Variants in PACRG observed in about 807,000 individuals in gnomAD.
PACRG encodes the protein parkin coregulated.
Under a neutral mutation model 29.7 loss-of-function variants are expected in PACRG, and 29 were observed. The observed-to-expected ratio is 0.98, with a 90% CI of 0.73 to 1.33. The LOEUF (loss-of-function observed/expected upper bound fraction) is 1.33. PACRG is among the 40% of genes most tolerant of loss of function. The pLI, the probability that PACRG is intolerant of heterozygous loss-of-function variation, is 0.00. For missense variants in PACRG, 279 were observed against 316.2 expected, an observed-to-expected ratio of 0.88 and a Z score of 0.89; for synonymous variants, 116 against 118.7, an observed-to-expected ratio of 0.98 and a Z score of 0.15.
chr6:162,744,797 G>C (rs1327221258), intron 1 of PACRG, among the ~76,000 whole-genome samples: 1 of 152,062 alleles, frequency 6.6e-6, no homozygotes, highest in Non-Finnish European at 1.5e-5. Flanking sequence ...TAATGTTTAT[G>C]GCTTTTGTGA....
In PACRG at chr6:162,838,578, C is replaced by A. The variant is rs148928345; in HGVS notation, c.291+24297C>A. ...CTTTCCCACACTAGTTATTAGAACC[C>A]CCTTATTAACATCATTTTTTTTTAT... is the stretch of plus-strand genomic sequence containing the variant. On this transcript the variant is annotated intron_variant, in intron 2 of 4. Coordinates refer to ENST00000366888, the MANE Select transcript of PACRG (RefSeq NM_001080379.2). Among the ~76,000 whole-genome samples, 843 of 151,982 alleles carry A rather than the reference C, an allele frequency of 5.5e-3. 9 individuals carry two copies. Among genetic ancestry groups the A allele is most frequent in the South Asian group, 0.01 (50 of 4,812 alleles).
At position 162,728,357 on chromosome 6, in the gene PACRG, G is replaced by T. The variant is rs767526204; in HGVS notation, c.122G>T (p.Gly41Val). 5.0e-6 allele frequency: 8 copies of T among 1,613,596 alleles called. No homozygotes were observed. In the South Asian group the frequency reaches 8.8e-5, roughly 18 times the overall value. ...VHQPHSLVSE[G>V]FTVKAMMKNS... ...CAGCCTCACTCTCTGGTTTCTGAGG[G>T]TTTCACAGTCAAAGCCATGATGAAA... is the stretch of plus-strand genomic sequence containing the variant. Residue 41 changes from glycine to valine, a missense_variant, in exon 1 of 5, where the codon GGT becomes GTT. By Grantham distance (109) the Gly-to-Val change is moderately radical (BLOSUM62 -3). Coordinates refer to ENST00000366888, the MANE Select transcript of PACRG (RefSeq NM_001080379.2).
upstream of PACRG, chr6:162,727,908 G>T: frequency 1.7e-6 from 1 of 591,890 alleles, no homozygotes; most frequent in Non-Finnish European, 3.0e-6. Flanking sequence ...CGCCCTTTCC[G>T]GCTTCAGGCC....
At chr6:162,752,684 C>G (rs745418610) in intron 1 of PACRG, among the ~76,000 whole-genome samples, 2 of 152,198 alleles carry the variant, frequency 1.3e-5, no homozygotes, top group Non-Finnish European at 2.9e-5. Context: ...CACACTTTAG[C>G]TCTAGAGTGT....
At chr6:163,155,896 A>AGGGGCCTTTTTATGTGCTGTTCC (rs1778292320) in intron 4 of PACRG, among the ~76,000 whole-genome samples, 1 of 152,150 alleles carries the variant, frequency 6.6e-6, no homozygotes, top group Non-Finnish European at 1.5e-5. Context: ...CGCGCTGTTC[A>AGGGGCCTTTTTATGTGCTGTTCC]GGGGCCTTTT....
chr6:162,883,712 G>GTGTGTGTGTA (rs148140118), intron 2 of PACRG, among the ~76,000 whole-genome samples: 3,299 of 149,826 alleles, frequency 0.022, 47 homozygotes, highest in African/African-American at 0.052. Context: ...GTGTGTGTGT[G>GTGTGTGTGTA]TGTATGTATG....
chr6:162,981,305 A>ATATATATATATATTTTTT (rs925663285), intron 2 of PACRG, among the ~76,000 whole-genome samples: 1 of 149,132 alleles, frequency 6.7e-6, no homozygotes, highest in African/African-American at 2.5e-5. Context: ...ATATATATAT[A>ATATATATATATATTTTTT]TTTACAATGG....
intron 4 of PACRG, among the ~76,000 whole-genome samples, chr6:163,114,038 C>T (rs1257309204): frequency 6.6e-6 from 1 of 152,088 alleles, no homozygotes; most frequent in Non-Finnish European, 1.5e-5. Context: ...TTATTTGAGG[C>T]CAGGAGTTTG....
Position 162,965,939 on chromosome 6 carries a change from C to T in PACRG, c.292-96211C>T, listed in dbSNP as rs190112963. 1.3e-3 allele frequency among the ~76,000 whole-genome samples: 202 copies of T among 152,252 alleles called. 1 individual carries two copies. The highest frequency in any genetic ancestry group is 2.5e-3 in the East Asian group (13 of 5,178). ...TGTGCAGAAGGTTTGGGATGGGAGA[C>T]GAAATGCATCCAAGTCAACTGAGAG... On this transcript the variant is annotated intron_variant, in intron 2 of 4. Transcript: ENST00000366888.
chr6:162,941,647 C>G (rs1007747373), intron 2 of PACRG, among the ~76,000 whole-genome samples: 2 of 152,168 alleles, frequency 1.3e-5, no homozygotes, highest in Non-Finnish European at 2.9e-5. Context: ...TCCACACTCT[C>G]CCCATGCACT....
At chr6:163,224,330 C>T (rs1319514113) in intron 4 of PACRG, among the ~76,000 whole-genome samples, 2 of 122,200 alleles carry the variant, frequency 1.6e-5, no homozygotes, top group Non-Finnish European at 3.2e-5. Context: ...GATCATGCCA[C>T]TGCACTGTAG....
chr6:162,785,189 A>G (rs983283483), intron 1 of PACRG, among the ~76,000 whole-genome samples: 1 of 151,686 alleles, frequency 6.6e-6, no homozygotes, highest in Non-Finnish European at 1.5e-5. Flanking sequence ...AGAGAGAGAG[A>G]GAGAGAGAGA....
At chr6:162,784,167 C>T (rs1413564296) in intron 1 of PACRG, among the ~76,000 whole-genome samples, 25 of 152,134 alleles carry the variant, frequency 1.6e-4, no homozygotes, top group Admixed American at 1.6e-3. Flanking sequence ...TTATGTCCTT[C>T]AGTAGAGCTT....
chr6:162,811,302 G>T (rs1169574331), intron 1 of PACRG, among the ~76,000 whole-genome samples: 3 of 152,162 alleles, frequency 2.0e-5, no homozygotes, highest in African/African-American at 4.8e-5. Flanking sequence ...ATGAAGAATG[G>T]ATATCTTGAG....
At chr6:163,050,720 T>C (rs2128247203) in intron 2 of PACRG, among the ~76,000 whole-genome samples, 1 of 152,086 alleles carries the variant, frequency 6.6e-6, no homozygotes, top group East Asian at 2.0e-4. Context: ...TTTTACCCTT[T>C]TCTCTGACCT....
At chr6:163,269,312 G>A (rs1783648192) in intron 4 of PACRG, among the ~76,000 whole-genome samples, 1 of 152,202 alleles carries the variant, frequency 6.6e-6, no homozygotes, top group Non-Finnish European at 1.5e-5. Context: ...CAAGAGGTGA[G>A]CATTTGGCCC....
At chr6:163,062,897 G>A (rs1811212436) in intron 3 of PACRG, among the ~76,000 whole-genome samples, 1 of 152,072 alleles carries the variant, frequency 6.6e-6, no homozygotes, top group Non-Finnish European at 1.5e-5. Context: ...AACATTGCAC[G>A]GCCCCTTGGA....
intron 2 of PACRG, among the ~76,000 whole-genome samples, chr6:163,058,670 G>A (rs2128257622): frequency 6.6e-6 from 1 of 152,296 alleles, no homozygotes; most frequent in East Asian, 1.9e-4. Context: ...GCCAAGGCGA[G>A]CGGATCATGA....
chr6:163,257,294 G>A (rs1314686200), intron 4 of PACRG, among the ~76,000 whole-genome samples: 1 of 151,998 alleles, frequency 6.6e-6, no homozygotes, highest in East Asian at 1.9e-4. Context: ...TGTTAAAGGG[G>A]GCATTCTGGG....
Sources: gnomAD v4.1 joint callset for allele counts (sites outside exome capture counted in the v4.1 genomes callset) on GRCh38, gnomAD v4.1.1 for gene constraint, MANE v1.5 for transcripts, NCBI Gene and HGNC (gene_info 2026-07-23, HGNC 2026-07-21) for gene names.